EPB41L1: variants seen among roughly 807,000 people sequenced by gnomAD.
EPB41L1 encodes band 4.1-like protein 1.
EPB41L1 carries 29 observed loss-of-function variants against 97.8 expected under a neutral mutation model. That is an observed-to-expected ratio of 0.30 (90% CI 0.22 to 0.40). The LOEUF is 0.40. Ranked by LOEUF, EPB41L1 falls within the 10% of genes least tolerant of loss-of-function variation. The pLI, the probability that EPB41L1 is intolerant of heterozygous loss-of-function variation, is 1.00. For synonymous variants in EPB41L1, 383 were observed against 459.2 expected, an observed-to-expected ratio of 0.83 and a Z score of 2.12; for missense variants, 812 against 1,162.3, an observed-to-expected ratio of 0.70 and a Z score of 4.38.
intron 2 of EPB41L1, among the ~76,000 whole-genome samples, chr20:36,115,009 T>C (rs1417180462): frequency 6.6e-6 from 1 of 152,206 alleles, no homozygotes; most frequent in African/African-American, 2.4e-5. Context: ...AACTCCCCTC[T>C]TCAGTTATAG....
intron 11 of EPB41L1, among the ~76,000 whole-genome samples, chr20:36,191,800 G>A (rs1281069668): frequency 6.6e-6 from 1 of 152,152 alleles, no homozygotes; most frequent in Non-Finnish European, 1.5e-5. Flanking sequence ...AAAATACATA[G>A]TACCTACTTT....
At chr20:36,165,819 A>G (rs950076938) in intron 1 of EPB41L1, among the ~76,000 whole-genome samples, 86 of 152,334 alleles carry the variant, frequency 5.6e-4, no homozygotes, top group African/African-American at 1.9e-3. Context: ...TTCCTTTTCA[A>G]TCTTGGGAAG....
intron 2 of EPB41L1, among the ~76,000 whole-genome samples, chr20:36,119,073 T>C (rs1358378276): frequency 6.6e-6 from 1 of 152,256 alleles, no homozygotes; most frequent in East Asian, 1.9e-4. Flanking sequence ...GATACTGATA[T>C]CAATGTGACA....
Position 36,190,935 on chromosome 20 carries a change from GACCAGTGCT to G in EPB41L1, c.1300+139_1300+147del. On this transcript the variant is annotated intron_variant, in intron 11 of 21. Coordinates refer to ENST00000338074, the MANE Select transcript of EPB41L1 (RefSeq NM_012156.2). The surrounding 1 kb of genome is among the most constrained non-coding windows in gnomAD (Gnocchi z 5.8). The stretch of plus-strand genomic sequence containing the variant: ...CATCTGCACCAGGCTGGCCCCTCAA[GACCAGTGCT>G]GTCCCTGGGCAGCTCTTGGTGGCTT... 1 of 1,223,792 alleles carries G rather than the reference GACCAGTGCT, an allele frequency of 8.2e-7. No individual in the cohort carries two copies. The highest frequency in any genetic ancestry group is 1.2e-6 in the Non-Finnish European group (1 of 864,330). The allele number at this position is 1,223,792 out of a possible 1,614,324, so 75.8% of individuals were successfully genotyped here. A position where few individuals can be genotyped will look rare whatever the true frequency, so the allele number is the denominator to read the frequency against.
At chr20:36,214,306 C>T (rs779092823) in intron 16 of EPB41L1, 51 bp from the exon 17 acceptor site, 25 of 1,469,596 alleles carry the variant, frequency 1.7e-5, no homozygotes, top group East Asian at 6.8e-5. Context: ...GTGACAGATG[C>T]TGCAGGTATA....
intron 2 of EPB41L1, among the ~76,000 whole-genome samples, chr20:36,141,516 A>G (rs2059637796): frequency 6.6e-6 from 1 of 152,160 alleles, no homozygotes; most frequent in African/African-American, 2.4e-5. Flanking sequence ...GAGGGCAGCA[A>G]AGTTCAAAGC....
intron 5 of EPB41L1, among the ~76,000 whole-genome samples, chr20:36,179,916 C>G (rs1276280482): frequency 6.6e-6 from 1 of 152,168 alleles, no homozygotes; most frequent in Non-Finnish European, 1.5e-5. Context: ...CCCCAGGAGC[C>G]CCAGCCTGGC....
intron 2 of EPB41L1, among the ~76,000 whole-genome samples, chr20:36,118,066 A>G (rs76475652): frequency 0.021 from 3,196 of 152,308 alleles, 120 homozygotes; most frequent in African/African-American, 0.073. Flanking sequence ...TGCTGAGGGA[A>G]TAGACAGGGA....
intron 1 of EPB41L1, among the ~76,000 whole-genome samples, chr20:36,172,548 C>A (rs2061038212): frequency 6.6e-6 from 1 of 152,234 alleles, no homozygotes; most frequent in Admixed American, 6.5e-5. Context: ...AGACCTTTTA[C>A]TAAATGTGTG....
At position 36,125,880 on chromosome 20, in the gene EPB41L1, C is replaced by T. The variant is rs1017350703; in HGVS notation, c.-10+13400C>T. On this transcript the variant is annotated intron_variant, in intron 2 of 19. Coordinates refer to the EPB41L1 transcript ENST00000202028. ...GAGAAGTGATGGGCTTCATCTCAGG[C>T]TCATGGAAGTGTAGAAGAGGGAACA... 6.5e-4 allele frequency among the ~76,000 whole-genome samples: 99 copies of T among 151,766 alleles called. 1 individual carries two copies. Among genetic ancestry groups the T allele is most frequent in the African/African-American group, 2.3e-3 (95 of 41,284 alleles).
intron 2 of EPB41L1, among the ~76,000 whole-genome samples, chr20:36,119,875 C>T (rs1216748456): frequency 6.6e-6 from 1 of 152,080 alleles, no homozygotes; most frequent in Non-Finnish European, 1.5e-5. Flanking sequence ...CCATTTCAGC[C>T]CTTTCTTCAA....
chr20:36,178,668 C>T lies in EPB41L1; in HGVS notation c.486C>T (p.Ile162=). 6.2e-7 allele frequency: 1 copy of T among 1,614,138 alleles called. No homozygotes were observed. The highest frequency in any genetic ancestry group is 8.5e-7 in the Non-Finnish European group (1 of 1,180,010). The change falls in exon 5 of 22, where the codon ATC becomes ATT. Residue 162 remains isoleucine, a synonymous_variant. Transcript: ENST00000338074. The stretch of plus-strand genomic sequence containing the variant: ...CCTCCAAGGAGATCAAGAAGCAGAT[C>T]CGGAGTGAGTGGCTTGTTGTGTTTG... The part of the protein sequence containing the change: ...LDPSKEIKKQ[I]RSSPWNFAFT...
intron 14 of EPB41L1, among the ~76,000 whole-genome samples, chr20:36,199,002 G>A (rs1020119824): frequency 6.6e-6 from 1 of 152,216 alleles, no homozygotes; most frequent in African/African-American, 2.4e-5. Flanking sequence ...TGCGCAGTGT[G>A]AGTTATTGTT....
chr20:36,136,958 A>C (rs2059440129), intron 2 of EPB41L1, among the ~76,000 whole-genome samples: 1 of 152,088 alleles, frequency 6.6e-6, no homozygotes, highest in African/African-American at 2.4e-5. Context: ...CGATCACTGC[A>C]GCCCCAACCT....
At chr20:36,096,575 C>A (rs978827625) in intron 1 of EPB41L1, among the ~76,000 whole-genome samples, 3 of 152,220 alleles carry the variant, frequency 2.0e-5, no homozygotes, top group African/African-American at 7.2e-5. Context: ...TGCTTCTTAT[C>A]TTGATTAACT....
At chr20:36,129,764 CATTT>C (rs1366827261) in intron 2 of EPB41L1, among the ~76,000 whole-genome samples, 1 of 151,920 alleles carries the variant, frequency 6.6e-6, no homozygotes, top group Non-Finnish European at 1.5e-5. Context: ...TCAATTTATT[CATTT>C]ATTTTAAAAA....
Position 36,218,961 on chromosome 20 carries a change from C to A in EPB41L1, c.2354C>A (p.Pro785Gln). Residue 785 changes from proline to glutamine, a missense_variant and splice_region_variant, in exon 18 of 22, where the codon CCG (proline) becomes CAG (glutamine). Physicochemically the swap from Pro to Gln is moderately conservative, Grantham distance 76. This residue lies in a region of EPB41L1 where 498 missense variants were observed against 622.7 expected (regional missense o/e 0.80). Coordinates refer to ENST00000338074, the MANE Select transcript of EPB41L1 (RefSeq NM_012156.2). ...TVATEIRSLS[P>Q]IIGKDVLTST... ...GCCACGGAAATCCGTTCTCTTTCTC[C>A]GGTAAGTGGGCAAGGCCAGCTCAGG... The A allele has an allele frequency of 6.2e-7, 1 of 1,614,060 alleles. No homozygotes were observed. The highest frequency in any genetic ancestry group is 1.1e-5 in the South Asian group (1 of 91,036).
At position 36,188,459 on chromosome 20, in the gene EPB41L1, A is replaced by T. The variant is rs767350665; in HGVS notation, c.986A>T (p.Tyr329Phe). The change falls in exon 9 of 22, where the codon TAC becomes TTC. Residue 329 changes from tyrosine (Y) to phenylalanine (F), a missense_variant. This residue lies in a region of EPB41L1 where 230 missense variants were observed against 445.2 expected (regional missense o/e 0.52). Coordinates refer to ENST00000338074, the MANE Select transcript of EPB41L1 (RefSeq NM_012156.2). ...TGGCCCAAGATCCTCAAGATCTCCT[A>T]CAAGAGGAGTAACTTCTATATCAAG... is the stretch of plus-strand genomic sequence containing the variant. ...FAWPKILKIS[Y>F]KRSNFYIKIR... 6.2e-7 allele frequency: 1 copy of T among 1,613,904 alleles called. No homozygotes were observed. Among genetic ancestry groups the T allele is most frequent in the Non-Finnish European group, 8.5e-7 (1 of 1,179,974 alleles).
At chr20:36,108,908 C>T (rs1489520160) in intron 1 of EPB41L1, among the ~76,000 whole-genome samples, 1 of 151,860 alleles carries the variant, frequency 6.6e-6, no homozygotes, top group Non-Finnish European at 1.5e-5. Flanking sequence ...GAATGTTACC[C>T]TGGACAGCCC....
Sources: allele counts gnomAD v4.1 joint callset (sites outside exome capture counted in the v4.1 genomes callset), GRCh38; gene constraint gnomAD v4.1.1; regional missense constraint gnomAD v4.1.1; non-coding constraint Gnocchi (gnomAD v3.1); transcripts MANE v1.5; gene names NCBI Gene and HGNC (gene_info 2026-07-23, HGNC 2026-07-21).